ADAM12: variants seen among roughly 807,000 people sequenced by gnomAD.
The protein encoded by ADAM12 is ADAM metallopeptidase domain 12.
Under a neutral mutation model 106.4 loss-of-function variants are expected in ADAM12, and 70 were observed. The observed-to-expected ratio is 0.66, with a 90% CI of 0.54 to 0.80. ADAM12 has a LOEUF of 0.80. ADAM12 is among the 30% of genes least tolerant of loss of function. The probability of loss-of-function intolerance (pLI) is 0.00; values close to 1 mark genes in which losing one functional copy is unlikely to be tolerated. For synonymous variants in ADAM12, 420 were observed against 433.5 expected, an observed-to-expected ratio of 0.97 and a Z score of 0.39; for missense variants, 1,010 against 1,171.9, an observed-to-expected ratio of 0.86 and a Z score of 2.02.
At chr10:126,336,032 T>C (rs1029185091) in intron 1 of ADAM12, among the ~76,000 whole-genome samples, 4 of 152,276 alleles carry the variant, frequency 2.6e-5, no homozygotes, top group Admixed American at 6.5e-5. Flanking sequence ...ACAGGACAAC[T>C]AAATGTAATG....
chr10:126,342,236 A>G (rs1386262689), intron 1 of ADAM12, among the ~76,000 whole-genome samples: 1 of 152,238 alleles, frequency 6.6e-6, no homozygotes, highest in East Asian at 1.9e-4. Flanking sequence ...CCAGTGGCCA[A>G]GGAGAAAGTG....
chr10:126,054,176 C>A (rs1050044870), intron 14 of ADAM12, among the ~76,000 whole-genome samples: 1 of 152,168 alleles, frequency 6.6e-6, no homozygotes, highest in Admixed American at 6.5e-5. Context: ...CTCTATTAGC[C>A]CAGTGGGTGT....
chr10:126,289,647 G>A (rs11244932), intron 2 of ADAM12, among the ~76,000 whole-genome samples: 37,565 of 152,126 alleles, frequency 0.25, 4,758 homozygotes, highest in South Asian at 0.34. Context: ...TGGAGATGCA[G>A]CAATTCCTCC....
chr10:126,122,521 G>C (rs771898393), intron 5 of ADAM12, among the ~76,000 whole-genome samples: 3 of 152,182 alleles, frequency 2.0e-5, no homozygotes, highest in Non-Finnish European at 4.4e-5. Context: ...CAGCACTTTG[G>C]GAGGCCGAGG....
chr10:126,330,108 G>A (rs1203270949), intron 2 of ADAM12, among the ~76,000 whole-genome samples: 3 of 152,094 alleles, frequency 2.0e-5, no homozygotes, highest in Non-Finnish European at 2.9e-5. Context: ...CATAAATATA[G>A]AAAAATGCCC....
chr10:126,188,373 G>A (rs1214662510), intron 3 of ADAM12, among the ~76,000 whole-genome samples: 1 of 152,174 alleles, frequency 6.6e-6, no homozygotes, highest in Admixed American at 6.5e-5. Context: ...ACTCAGTGTG[G>A]TCTCATTCTG....
chr10:126,361,590 C>T (rs1855746842), intron 1 of ADAM12, among the ~76,000 whole-genome samples: 1 of 152,132 alleles, frequency 6.6e-6, no homozygotes, highest in Non-Finnish European at 1.5e-5. Flanking sequence ...AAAATAGACA[C>T]ATCAACCAAT....
intron 3 of ADAM12, among the ~76,000 whole-genome samples, chr10:126,196,996 G>A (rs778308964): frequency 6.6e-5 from 10 of 152,138 alleles, no homozygotes; most frequent in African/African-American, 9.7e-5. Flanking sequence ...CTTGGAAGCC[G>A]GGCTGACAAA....
At chr10:126,344,245 G>A (rs1590806220) in intron 1 of ADAM12, among the ~76,000 whole-genome samples, 2 of 152,260 alleles carry the variant, frequency 1.3e-5, no homozygotes, top group Admixed American at 6.5e-5. Context: ...CATATGGCTA[G>A]CCAGTTTTCC....
chr10:126,019,894 C>A (rs1953730920), intron 21 of ADAM12, 69 bp from the exon 22 acceptor site: 1 of 1,504,472 alleles, frequency 6.6e-7, no homozygotes, highest in Non-Finnish European at 8.9e-7. Context: ...GAAGCAGGGC[C>A]TGCCGCTTGG....
At chr10:126,330,308 A>G (rs1341035289) in intron 2 of ADAM12, 104 bp downstream of exon 2, 2 of 988,290 alleles carry the variant, frequency 2.0e-6, no homozygotes, top group Non-Finnish European at 3.0e-6. Flanking sequence ...TAGAGTTAGC[A>G]TTAAAGTGAG....
intron 2 of ADAM12, among the ~76,000 whole-genome samples, chr10:126,294,123 C>T (rs1960271204): frequency 6.6e-6 from 1 of 152,194 alleles, no homozygotes; most frequent in African/African-American, 2.4e-5. Context: ...GCGCTCATCC[C>T]TTCATCAGAT....
intron 1 of ADAM12, among the ~76,000 whole-genome samples, chr10:126,364,153 A>G (rs888876699): frequency 1.1e-4 from 17 of 152,102 alleles, no homozygotes; most frequent in African/African-American, 3.9e-4. Context: ...TTTTTTTAAA[A>G]AAATCTATTT....
At chr10:126,239,621 G>GA (rs199609137) in intron 3 of ADAM12, among the ~76,000 whole-genome samples, 20 of 151,172 alleles carry the variant, frequency 1.3e-4, no homozygotes, top group East Asian at 3.9e-4. Flanking sequence ...TCCTCCAAGA[G>GA]AAAAAAAAAT....
chr10:126,284,679 C>T (rs11816765), intron 2 of ADAM12, among the ~76,000 whole-genome samples: 24,732 of 152,178 alleles, frequency 0.16, 2,268 homozygotes, highest in African/African-American at 0.25. Context: ...CGAGCGATCA[C>T]GGATGACTTG....
intron 1 of ADAM12, among the ~76,000 whole-genome samples, chr10:126,355,840 C>T (rs1443130004): frequency 2.6e-5 from 4 of 152,216 alleles, no homozygotes; most frequent in African/African-American, 9.6e-5. Context: ...CTTCCAGTGG[C>T]AGCCCCCAGT....
rs182835780 is a variant in ADAM12, at chr10:126,045,954, T to C, written c.1995+101A>G. 2.7e-4 allele frequency: 273 copies of C among 1,014,878 alleles called. 2 individuals carry two copies. Among genetic ancestry groups the C allele is most frequent in the Non-Finnish European group, 8.2e-5 (53 of 648,982 alleles). 62.9% of individuals were successfully genotyped at this position (1,014,878 alleles called of 1,614,324 possible). ...AATATTTCAAACACAATAACTGCTC[T>C]ATTTAAAAAATGCTATGGATTGCAA... On this transcript the variant is annotated intron_variant, in intron 17 of 22. Transcript: ENST00000448723.
chr10:126,358,620 A>G (rs1002501397), intron 1 of ADAM12, among the ~76,000 whole-genome samples: 11 of 152,328 alleles, frequency 7.2e-5, no homozygotes, highest in African/African-American at 1.2e-4. Context: ...TCTATTCAAC[A>G]TAGTGTTGGA....
intron 2 of ADAM12, among the ~76,000 whole-genome samples, chr10:126,305,069 T>C (rs1960788170): frequency 6.6e-6 from 1 of 152,044 alleles, no homozygotes; most frequent in African/African-American, 2.4e-5. Flanking sequence ...AATTTGGCAA[T>C]TTCTTAGAAA....
Sources: gnomAD v4.1 joint callset for allele counts (sites outside exome capture counted in the v4.1 genomes callset) on GRCh38, gnomAD v4.1.1 for gene constraint, MANE v1.5 for transcripts, NCBI Gene and HGNC (gene_info 2026-07-23, HGNC 2026-07-21) for gene names.